MUC17: variants seen among roughly 807,000 people sequenced by gnomAD.
The protein encoded by MUC17 is mucin 17, cell surface associated, also known as mucin-17.
MUC17 carries 190 observed loss-of-function variants against 170.3 expected under a neutral mutation model. The observed-to-expected ratio is 1.12, with a 90% CI of 0.99 to 1.26. The LOEUF is 1.26. Among genes scored for constraint, MUC17 ranks in the 50% most tolerant of loss-of-function variants. MUC17 has a pLI of 0.00. For synonymous variants in MUC17, 2,325 were observed against 2,002.5 expected (o/e 1.16, Z -4.30); for missense variants, 6,415 against 5,530.0 (o/e 1.16, Z -5.08).
At position 101,033,222 on chromosome 7, in the gene MUC17, C is replaced by T. The variant is rs1360703565; in HGVS notation, c.1806C>T (p.Thr602=). The T allele has an allele frequency of 6.2e-7, 1 of 1,614,132 alleles. No homozygotes were observed. Reference sequence around the variant, plus strand: ...CTGCTGACTCCAACACTTTTGTGACCACTTCTAGTGAAGCTAGTTCATCTT... The same window carrying T: ...CTGCTGACTCCAACACTTTTGTGACTACTTCTAGTGAAGCTAGTTCATCTT... ...TTPADSNTFV[T]TSSEASSSST... Residue 602 remains threonine (T), a synonymous_variant, in exon 3 of 13, where the codon ACC becomes ACT. Coordinates refer to ENST00000306151, the MANE Select transcript of MUC17 (RefSeq NM_001040105.2).
chr7:101,037,639 G>A lies in MUC17; in HGVS notation c.6223G>A (p.Val2075Met). 2.5e-6 allele frequency: 4 copies of A among 1,613,706 alleles called. No homozygotes were observed. The highest frequency in any genetic ancestry group is 2.5e-6 in the Non-Finnish European group (3 of 1,179,834). Residue 2075 changes from valine (V) to methionine (M), a missense_variant, in exon 3 of 13, where the codon GTG (valine) becomes ATG (methionine). Coordinates refer to ENST00000306151, the MANE Select transcript of MUC17 (RefSeq NM_001040105.2). ...AACTCCTGTTGACTCCAAAACTCAGGTGACCAATTCTACTGAAGCCAGTTC... is the reference window on the plus strand; with the variant it reads ...AACTCCTGTTGACTCCAAAACTCAGATGACCAATTCTACTGAAGCCAGTTC... The part of the protein sequence containing the change: ...STTPVDSKTQ[V>M]TNSTEASSSA...
intron 9 of MUC17, among the ~76,000 whole-genome samples, chr7:101,052,375 C>T (rs544485145): frequency 3.6e-4 from 55 of 152,176 alleles, no homozygotes; most frequent in African/African-American, 9.9e-4. Flanking sequence ...GGTAAGAAAG[C>T]GAAGAAAAAC....
chr7:101,023,893 G>GTT (rs749020800), intron 1 of MUC17, among the ~76,000 whole-genome samples: 10 of 145,714 alleles, frequency 6.9e-5, no homozygotes, highest in African/African-American at 2.3e-4. Context: ...TCTATTTGCA[G>GTT]TTTTTTTTTT....
intron 11 of MUC17, among the ~76,000 whole-genome samples, chr7:101,054,825 A>C (rs748142818): frequency 1.3e-5 from 2 of 152,066 alleles, no homozygotes; most frequent in Non-Finnish European, 2.9e-5. Context: ...TCTCTAAAAC[A>C]AAACAAACAA....
rs765523749 is a variant in MUC17, at chr7:101,039,884, C to G, written c.8468C>G (p.Ala2823Gly). The change falls in exon 3 of 13, where the codon GCC (alanine) becomes GGC (glycine). Residue 2823 changes from alanine to glycine, a missense_variant. Coordinates refer to ENST00000306151, the MANE Select transcript of MUC17 (RefSeq NM_001040105.2). ...ATGCCTGTCAACCACACGCCAGTGGCCAGTTCTGAGGCTGGCACCCTTTCA... is the reference window on the plus strand; with the variant it reads ...ATGCCTGTCAACCACACGCCAGTGGGCAGTTCTGAGGCTGGCACCCTTTCA... ...TSMPVNHTPV[A>G]SSEAGTLSTT... 1 of 1,612,854 alleles carries G rather than the reference C, an allele frequency of 6.2e-7. No homozygotes were observed. The highest frequency in any genetic ancestry group is 8.5e-7 in the Non-Finnish European group (1 of 1,179,630).
chr7:101,035,869 C>T lies in MUC17; in HGVS notation c.4453C>T (p.Pro1485Ser), dbSNP rs1794460374. 1 of 1,605,706 alleles carries T rather than the reference C, an allele frequency of 6.2e-7. No homozygotes were observed. The highest frequency in any genetic ancestry group is 8.5e-7 in the Non-Finnish European group (1 of 1,175,168). The stretch of plus-strand genomic sequence containing the variant: ...AACAACTCCTGTTGACTCTAACAGT[C>T]CTGTGGTCACTTCTACAGCAGTCAG... The part of the protein sequence containing the change: ...LSTTPVDSNS[P>S]VVTSTAVSSS... The change falls in exon 3 of 13, where the codon CCT becomes TCT. Residue 1485 changes from proline to serine, a missense_variant. Coordinates refer to ENST00000306151, the MANE Select transcript of MUC17 (RefSeq NM_001040105.2).
chr7:101,035,465 C>T lies in MUC17; in HGVS notation c.4049C>T (p.Ala1350Val). 2 of 1,602,030 alleles carry T rather than the reference C, an allele frequency of 1.2e-6. No homozygotes were observed. The highest frequency in any genetic ancestry group is 1.7e-6 in the Non-Finnish European group (2 of 1,172,296). The stretch of plus-strand genomic sequence containing the variant: ...ATACCTGTCAACACCACACTGGTGG[C>T]CAGTTCTGCAATCAGCATCCTTTCA... ...TSIPVNTTLVASSAISILSTT... is the reference protein window; with the variant it reads ...TSIPVNTTLVVSSAISILSTT... The change falls in exon 3 of 13, where the codon GCC becomes GTC. Residue 1350 changes from alanine to valine, a missense_variant. Coordinates refer to ENST00000306151, the MANE Select transcript of MUC17 (RefSeq NM_001040105.2).
Position 101,050,555 on chromosome 7 carries a change from T to C in MUC17, c.12794T>C (p.Leu4265Ser). The C allele has an allele frequency of 1.2e-6, 2 of 1,614,180 alleles. No homozygotes were observed. Among genetic ancestry groups the C allele is most frequent in the Non-Finnish European group, 1.7e-6 (2 of 1,180,028 alleles). Residue 4265 changes from leucine (L) to serine (S), a missense_variant, in exon 7 of 13, where the codon TTG becomes TCG. Physicochemically the swap from Leu to Ser is moderately radical, Grantham distance 145 (BLOSUM62 -2). Coordinates refer to ENST00000306151, the MANE Select transcript of MUC17 (RefSeq NM_001040105.2). The stretch of plus-strand genomic sequence containing the variant: ...TACACACCAGAATACAAGACAGTAT[T>C]GGACAATGCCACCGAAGTAGTGAAA... ...TKYTPEYKTV[L>S]DNATEVVKEK... is the part of the protein sequence containing the mutation.
At position 101,042,077 on chromosome 7, in the gene MUC17, C is replaced by A; in HGVS notation, c.10661C>A (p.Ala3554Asp). 6.2e-7 allele frequency: 1 copy of A among 1,613,884 alleles called. No homozygotes were observed. The highest frequency in any genetic ancestry group is 8.5e-7 in the Non-Finnish European group (1 of 1,179,974). ...SNTFVTSSSQ[A>D]SSSPATLQVT... ...ACTTTTGTTACCAGTTCTAGTCAAG[C>A]CAGTTCATCTCCAGCAACTCTTCAG... Residue 3554 changes from alanine to aspartate, a missense_variant, in exon 3 of 13, where the codon GCC (alanine) becomes GAC (aspartate). Coordinates refer to ENST00000306151, the MANE Select transcript of MUC17 (RefSeq NM_001040105.2).
rs557259977 is a variant in MUC17, at chr7:101,034,397, T to C, written c.2981T>C (p.Leu994Pro). The C allele has an allele frequency of 5.6e-6, 9 of 1,606,756 alleles. No homozygotes were observed. In the East Asian group the frequency reaches 6.8e-5, roughly 12 times the overall value. The stretch of plus-strand genomic sequence containing the variant: ...ACAAGCACACCTGTCAGCCACACGC[T>C]GGTGGCCAATTCTGAGGCTAGCACC... ...PLTSTPVSHT[L>P]VANSEASTLS... Residue 994 changes from leucine (L) to proline (P), a missense_variant, in exon 3 of 13, where the codon CTG becomes CCG. Transcript: ENST00000306151.
At chr7:101,028,462 T>G (rs1446643750) in intron 1 of MUC17, among the ~76,000 whole-genome samples, 1 of 152,190 alleles carries the variant, frequency 6.6e-6, no homozygotes, top group Non-Finnish European at 1.5e-5. Context: ...ATTTTCTTCT[T>G]CAATGTCTAA....
Position 101,040,539 on chromosome 7 carries a change from T to C in MUC17, c.9123T>C (p.Pro3041=). 1 of 1,611,532 alleles carries C rather than the reference T, an allele frequency of 6.2e-7. No individual in the cohort carries two copies. Among genetic ancestry groups the C allele is most frequent in the Non-Finnish European group, 8.5e-7 (1 of 1,179,148 alleles). ...AEGTGIPIST[P]SEGSTPLTSI... ...GTACCGGCATACCAATCTCAACTCCTAGTGAAGGAAGTACTCCATTAACAA... is the reference window on the plus strand; with the variant it reads ...GTACCGGCATACCAATCTCAACTCCCAGTGAAGGAAGTACTCCATTAACAA... Residue 3041 remains proline, a synonymous_variant, in exon 3 of 13, where the codon CCT becomes CCC. Coordinates refer to ENST00000306151, the MANE Select transcript of MUC17 (RefSeq NM_001040105.2).
At chr7:101,047,097 A>G (rs1211466557) in intron 3 of MUC17, among the ~76,000 whole-genome samples, 1 of 147,132 alleles carries the variant, frequency 6.8e-6, no homozygotes, top group Non-Finnish European at 1.5e-5. Context: ...AAAAAATTAA[A>G]ATAAATAAAT....
intron 9 of MUC17, among the ~76,000 whole-genome samples, chr7:101,052,414 G>C (rs1469180529): frequency 6.6e-6 from 1 of 152,220 alleles, no homozygotes; most frequent in African/African-American, 2.4e-5. Flanking sequence ...ACCAAAGAGA[G>C]AGAACAGCTG....
chr7:101,030,567 A>T (rs1794260778), intron 1 of MUC17, among the ~76,000 whole-genome samples: 1 of 152,036 alleles, frequency 6.6e-6, no homozygotes. Flanking sequence ...CTTTTAAAAA[A>T]TATTTATTTA....
rs779711446 is a variant in MUC17 at position 101,053,060 on chromosome 7, G to A, written c.13178G>A (p.Gly4393Asp). ...NQGTQKSLVYGLVGAGVVLML... is the reference protein window; with the variant it reads ...NQGTQKSLVYDLVGAGVVLML... ...GGCACCCAGAAGAGTCTGGTGTACG[G>A]CCTCGTGGGGGCAGGGGTCGTGCTG... The change falls in exon 10 of 13, where the codon GGC becomes GAC. Residue 4393 changes from glycine (G) to aspartate (D), a missense_variant. Transcript: ENST00000306151. 2 of 1,614,134 alleles carry A rather than the reference G, an allele frequency of 1.2e-6. No individual in the cohort carries two copies. The highest frequency in any genetic ancestry group is 3.3e-5 in the Admixed American group (2 of 60,016).
rs56103274 is a variant in MUC17, at chr7:101,032,695, G to C, written c.1279G>C (p.Ala427Pro). 15 of 1,606,006 alleles carry C rather than the reference G, an allele frequency of 9.3e-6. No homozygotes were observed. In the African/African-American group the frequency reaches 1.8e-4, roughly 19 times the overall value. ...TGACTCCAAAACTTTTGTGACCACT[G>C]CTAGTGAAGCCAGCTCATCTCCCAC... The part of the protein sequence containing the change: ...PVDSKTFVTT[A>P]SEASSSPTTA... The change falls in exon 3 of 13, where the codon GCT (alanine) becomes CCT (proline). Residue 427 changes from alanine (A) to proline (P), a missense_variant. Transcript: ENST00000306151.
In MUC17 at chr7:101,037,043, C is replaced by T; in HGVS notation, c.5627C>T (p.Thr1876Ile). The change falls in exon 3 of 13, where the codon ACC becomes ATC. Residue 1876 changes from threonine (T) to isoleucine (I), a missense_variant. Physicochemically the swap from Thr to Ile is moderately conservative, Grantham distance 89. Transcript: ENST00000306151. The stretch of plus-strand genomic sequence containing the variant: ...GCATTAACAAGTATACCTGTCAGCA[C>T]CACAACAGTGGCCAGTTCTGAAACC... ...STALTSIPVSTTTVASSETNT... is the reference protein window; with the variant it reads ...STALTSIPVSITTVASSETNT... 6.3e-7 allele frequency: 1 copy of T among 1,582,688 alleles called. No individual in the cohort carries two copies. Among genetic ancestry groups the T allele is most frequent in the Non-Finnish European group, 8.5e-7 (1 of 1,178,636 alleles).
chr7:101,052,182 C>T (rs1273255382), intron 9 of MUC17, among the ~76,000 whole-genome samples: 1 of 152,200 alleles, frequency 6.6e-6, no homozygotes, highest in Non-Finnish European at 1.5e-5. Flanking sequence ...ACCATGTCCT[C>T]TCTGTGCTAA....
Sources: allele counts gnomAD v4.1 joint callset (sites outside exome capture counted in the v4.1 genomes callset), GRCh38; gene constraint gnomAD v4.1.1; transcripts MANE v1.5; gene names NCBI Gene and HGNC (gene_info 2026-07-23, HGNC 2026-07-21).